ITPR2: variants seen among roughly 807,000 people sequenced by gnomAD.
ITPR2 encodes the protein inositol 1,4,5-trisphosphate receptor type 2, also known as inositol 1,4,5-trisphosphate-gated calcium channel ITPR2.
Under a neutral mutation model 317.1 loss-of-function variants are expected in ITPR2, and 207 were observed. That is an observed-to-expected ratio of 0.65 (90% CI 0.58 to 0.73). The LOEUF is 0.73. Among genes scored for constraint, ITPR2 ranks in the 30% least tolerant of loss-of-function variants. The pLI is 0.00. For synonymous variants in ITPR2, 1,156 were observed against 1,149.1 expected, an observed-to-expected ratio of 1.01 and a Z score of -0.12; for missense variants, 2,613 against 3,284.0, an observed-to-expected ratio of 0.80 and a Z score of 4.99.
chr12:26,655,477 G>A (rs1484217099), intron 20 of ITPR2, among the ~76,000 whole-genome samples: 1 of 151,958 alleles, frequency 6.6e-6, no homozygotes, highest in East Asian at 1.9e-4. Flanking sequence ...AGCCGGGCGT[G>A]GTGGCAGGCG....
intron 8 of ITPR2, among the ~76,000 whole-genome samples, chr12:26,711,742 G>A (rs1948645639): frequency 6.6e-6 from 1 of 152,186 alleles, no homozygotes; most frequent in Admixed American, 6.5e-5. Flanking sequence ...CAACACAGGG[G>A]AAGTACATGA....
At chr12:26,574,807 G>A in intron 34 of ITPR2, among the ~76,000 whole-genome samples, 1 of 152,040 alleles carries the variant, frequency 6.6e-6, no homozygotes, top group East Asian at 1.9e-4. Context: ...CAGGAGCAAG[G>A]AGTCGGGGCA....
At chr12:26,375,794 A>G (rs1401271102) in intron 55 of ITPR2, among the ~76,000 whole-genome samples, 1 of 152,224 alleles carries the variant, frequency 6.6e-6, no homozygotes, top group African/African-American at 2.4e-5. Flanking sequence ...TCTAATATAT[A>G]CCAGGCACTT....
intron 1 of ITPR2, among the ~76,000 whole-genome samples, chr12:26,791,406 C>A (rs1013131940): frequency 1.3e-5 from 2 of 151,860 alleles, no homozygotes; most frequent in African/African-American, 4.8e-5. Context: ...GAAGTATTAA[C>A]CAGACTCACT....
chr12:26,625,754 C>G (rs1946609092), intron 23 of ITPR2, among the ~76,000 whole-genome samples: 1 of 152,070 alleles, frequency 6.6e-6, no homozygotes, highest in Non-Finnish European at 1.5e-5. Flanking sequence ...TTTAAAGAAT[C>G]AAAATATACA....
intron 2 of ITPR2, among the ~76,000 whole-genome samples, chr12:26,784,712 C>A (rs1204194656): frequency 1.3e-4 from 19 of 151,512 alleles, no homozygotes; most frequent in Non-Finnish European, 2.8e-4. Context: ...CTCCCAACCG[C>A]CTGCCTTGGC....
At position 26,478,127 on chromosome 12, in the gene ITPR2, T is replaced by C. The variant is rs555854977; in HGVS notation, c.6124-1120A>G. Among the ~76,000 whole-genome samples the C allele has an allele frequency of 5.3e-5, 8 of 152,244 alleles. 1 individual carries two copies. Among genetic ancestry groups the C allele is most frequent in the African/African-American group, 1.9e-4 (8 of 41,562 alleles). The stretch of plus-strand genomic sequence containing the variant: ...GGTTGTGCAAATTAATTCTCCTGGG[T>C]AGTTTTAACATCAAATTCTATCCAA... On this transcript the variant is annotated intron_variant, in intron 43 of 56. Coordinates refer to ENST00000381340, the MANE Select transcript of ITPR2 (RefSeq NM_002223.4).
intron 26 of ITPR2, among the ~76,000 whole-genome samples, chr12:26,611,654 C>T (rs906949289): frequency 6.6e-6 from 1 of 152,078 alleles, no homozygotes; most frequent in African/African-American, 2.4e-5. Flanking sequence ...AATAGAGAAA[C>T]AAAATCACTG....
chr12:26,625,347 A>G (rs1007797340), intron 23 of ITPR2, among the ~76,000 whole-genome samples: 6 of 152,178 alleles, frequency 3.9e-5, no homozygotes, highest in African/African-American at 1.2e-4. Flanking sequence ...ATTATTTGTA[A>G]CACAAAAGAT....
intron 21 of ITPR2, among the ~76,000 whole-genome samples, chr12:26,652,979 G>T (rs1947289379): frequency 6.6e-6 from 1 of 152,206 alleles, no homozygotes; most frequent in South Asian, 2.1e-4. Flanking sequence ...AAAGTCCATT[G>T]AATATATTGT....
intron 37 of ITPR2, among the ~76,000 whole-genome samples, chr12:26,516,475 A>C (rs542543887): frequency 6.6e-6 from 1 of 152,220 alleles, no homozygotes; most frequent in African/African-American, 2.4e-5. Flanking sequence ...GGGTCTTCAA[A>C]GACTTCCCAT....
At chr12:26,343,967 A>G (rs1010534837) in intron 55 of ITPR2, among the ~76,000 whole-genome samples, 2 of 152,180 alleles carry the variant, frequency 1.3e-5, no homozygotes. Flanking sequence ...TTGTAACAGT[A>G]TTAAGATGTG....
chr12:26,804,791 A>G (rs1329554711), intron 1 of ITPR2, among the ~76,000 whole-genome samples: 1 of 152,152 alleles, frequency 6.6e-6, no homozygotes, highest in Non-Finnish European at 1.5e-5. Flanking sequence ...GCTGGAATGC[A>G]GTGCTGCAAT....
At chr12:26,743,488 G>A (rs1182968255) in intron 2 of ITPR2, among the ~76,000 whole-genome samples, 2 of 152,022 alleles carry the variant, frequency 1.3e-5, no homozygotes, top group African/African-American at 4.8e-5. Flanking sequence ...TTTTTCCATA[G>A]CATTGTGATA....
intron 1 of ITPR2, among the ~76,000 whole-genome samples, chr12:26,816,954 C>A (rs765620397): frequency 6.6e-6 from 1 of 151,506 alleles, no homozygotes; most frequent in Admixed American, 6.6e-5. Context: ...CCAAGGTGGG[C>A]GGATCACGAG....
At chr12:26,407,044 G>A (rs1027365152) in intron 52 of ITPR2, among the ~76,000 whole-genome samples, 2 of 152,138 alleles carry the variant, frequency 1.3e-5, no homozygotes, top group African/African-American at 4.8e-5. Context: ...TCTCCAGATG[G>A]AATCCTCGCT....
chr12:26,427,027 T>C (rs1022051880), intron 49 of ITPR2, among the ~76,000 whole-genome samples: 3 of 152,022 alleles, frequency 2.0e-5, no homozygotes, highest in African/African-American at 4.8e-5. Context: ...ATTTAGGAAA[T>C]ATTTACTGAG....
intron 54 of ITPR2, among the ~76,000 whole-genome samples, chr12:26,390,256 C>T (rs1340275576): frequency 6.6e-6 from 1 of 152,156 alleles, no homozygotes; most frequent in Non-Finnish European, 1.5e-5. Flanking sequence ...TAACCCACTC[C>T]TGGGTATATA....
At chr12:26,693,838 C>G (rs1264820664) in intron 10 of ITPR2, among the ~76,000 whole-genome samples, 4 of 152,160 alleles carry the variant, frequency 2.6e-5, no homozygotes, top group African/African-American at 9.7e-5. Flanking sequence ...TGCTCTTTTA[C>G]TAGAAACAAC....
Sources: gnomAD v4.1 joint callset for allele counts (sites outside exome capture counted in the v4.1 genomes callset) on GRCh38, gnomAD v4.1.1 for gene constraint, MANE v1.5 for transcripts, NCBI Gene and HGNC (gene_info 2026-07-23, HGNC 2026-07-21) for gene names.